MCC: variants seen among roughly 807,000 people sequenced by gnomAD.
MCC encodes the protein MCC regulator of Wnt signaling pathway.
In MCC, 90 loss-of-function variants were observed where a neutral mutation model predicts 116.2. The observed-to-expected ratio is 0.77, with a 90% CI of 0.65 to 0.92. The LOEUF is 0.92. Ranked by LOEUF, MCC falls within the 40% of genes least tolerant of loss-of-function variation. MCC has a pLI of 0.00. For missense variants in MCC, 1,516 were observed against 1,312.2 expected, an observed-to-expected ratio of 1.16 and a Z score of -2.40; for synonymous variants, 578 against 510.5, an observed-to-expected ratio of 1.13 and a Z score of -1.78.
At chr5:113,327,555 A>ATATATATATATATATATAT (rs1295231073) in intron 3 of MCC, among the ~76,000 whole-genome samples, 2 of 80,968 alleles carry the variant, frequency 2.5e-5, no homozygotes, top group African/African-American at 5.2e-5. Context: ...CAAAAAAAAA[A>ATATATATATATATATATAT]AAAAAAATAT....
chr5:113,138,335 C>G (rs74764205), intron 5 of MCC, among the ~76,000 whole-genome samples: 19,782 of 152,160 alleles, frequency 0.13, 1,812 homozygotes, highest in African/African-American at 0.24. Flanking sequence ...TATGTTGAAG[C>G]CTTAACATCC....
At chr5:113,197,263 C>T (rs1463430639) in intron 3 of MCC, among the ~76,000 whole-genome samples, 1 of 151,878 alleles carries the variant, frequency 6.6e-6, no homozygotes, top group African/African-American at 2.4e-5. Context: ...TTTTCAGACC[C>T]CCAATTTTTT....
chr5:113,363,727 T>C (rs10061063), intron 2 of MCC, among the ~76,000 whole-genome samples: 4,042 of 152,260 alleles, frequency 0.027, 187 homozygotes, highest in African/African-American at 0.092. Flanking sequence ...CCTTCTCACA[T>C]TGCAAAATAC....
At chr5:113,309,932 CCCTCTCTT>C in intron 3 of MCC, among the ~76,000 whole-genome samples, 1 of 145,932 alleles carries the variant, frequency 6.9e-6, no homozygotes, top group East Asian at 2.2e-4. Flanking sequence ...CTCCCTCCCT[CCCTCTCTT>C]CCTCTCTTTC....
In MCC at chr5:113,410,105, C is replaced by T. The variant is rs1294681680; in HGVS notation, c.171-24893G>A. ...CTATGTCTCTGTCTCCGTATAACTT[C>T]CCCCAACGGGATCTTGCTGAACATA... On this transcript the variant is annotated intron_variant, in intron 1 of 18. Transcript: ENST00000408903. 2.0e-5 allele frequency among the ~76,000 whole-genome samples: 3 copies of T among 152,146 alleles called. No homozygotes were observed. In the East Asian group the frequency reaches 5.8e-4, roughly 29 times the overall value.
intron 3 of MCC, among the ~76,000 whole-genome samples, chr5:113,245,434 T>C (rs953287538): frequency 3.3e-5 from 5 of 151,808 alleles, no homozygotes; most frequent in African/African-American, 1.2e-4. Context: ...ATATTTTAAA[T>C]ATCTCCACAA....
At chr5:113,203,167 C>A (rs939210909) in intron 3 of MCC, 3 of 152,230 alleles carry the variant, frequency 2.0e-5, no homozygotes, top group African/African-American at 4.8e-5. Flanking sequence ...GGAAACTACC[C>A]AGGGGCCTGA....
intron 3 of MCC, among the ~76,000 whole-genome samples, chr5:113,278,337 G>A (rs1765904451): frequency 6.6e-6 from 1 of 152,180 alleles, no homozygotes; most frequent in Admixed American, 6.5e-5. Flanking sequence ...AGTGAATGCT[G>A]AGGGTCAGGC....
chr5:113,162,610 C>T (rs1257208656), intron 3 of MCC, among the ~76,000 whole-genome samples: 7 of 152,146 alleles, frequency 4.6e-5, no homozygotes, highest in Non-Finnish European at 1.0e-4. Flanking sequence ...CATCTTCCCA[C>T]CTCAGCCTCT....
chr5:113,069,968 C>T (rs186375163), intron 12 of MCC, among the ~76,000 whole-genome samples: 58 of 152,320 alleles, frequency 3.8e-4, no homozygotes, highest in Admixed American at 3.6e-3. Flanking sequence ...ACCAGCTCCT[C>T]GTTTCAAAGG....
At chr5:113,275,794 C>CT (rs938114129) in intron 3 of MCC, among the ~76,000 whole-genome samples, 1 of 152,092 alleles carries the variant, frequency 6.6e-6, no homozygotes, top group African/African-American at 2.4e-5. Context: ...ATACTACACC[C>CT]TTTTATATAT....
At chr5:113,450,935 T>C (rs1208252467) in intron 1 of MCC, among the ~76,000 whole-genome samples, 1 of 152,210 alleles carries the variant, frequency 6.6e-6, no homozygotes, top group Non-Finnish European at 1.5e-5. Context: ...TTGTAATTCA[T>C]CCTTTCTGAA....
At chr5:113,173,508 G>C (rs1761177843) in intron 3 of MCC, among the ~76,000 whole-genome samples, 1 of 152,010 alleles carries the variant, frequency 6.6e-6, no homozygotes, top group African/African-American at 2.4e-5. Context: ...ATAAATATAA[G>C]GTCACTGTAA....
intron 5 of MCC, among the ~76,000 whole-genome samples, chr5:113,138,035 C>CT (rs11353616): frequency 2.7e-5 from 4 of 149,070 alleles, no homozygotes; most frequent in African/African-American, 9.8e-5. Context: ...TCCCAAAATT[C>CT]TTTTTTTTTT....
At chr5:113,276,703 T>C (rs141134956) in intron 3 of MCC, among the ~76,000 whole-genome samples, 2 of 152,226 alleles carry the variant, frequency 1.3e-5, no homozygotes, top group African/African-American at 4.8e-5. Context: ...CTCGGCTCAC[T>C]GGGGCCTCGA....
chr5:113,340,273 C>T (rs1469298449), intron 3 of MCC, among the ~76,000 whole-genome samples: 1 of 152,122 alleles, frequency 6.6e-6, no homozygotes, highest in Non-Finnish European at 1.5e-5. Context: ...GTAATTAAAC[C>T]TGTGCAAGTT....
intron 3 of MCC, among the ~76,000 whole-genome samples, chr5:113,332,204 A>ATAAAATAAACT (rs1767713891): frequency 6.6e-6 from 1 of 151,262 alleles, no homozygotes; most frequent in Non-Finnish European, 1.5e-5. Context: ...TTTTTGAGAC[A>ATAAAATAAACT]ATGTCTTGCT....
intron 17 of MCC, among the ~76,000 whole-genome samples, chr5:113,040,762 T>G (rs1751653324): frequency 6.6e-6 from 1 of 152,204 alleles, no homozygotes; most frequent in African/African-American, 2.4e-5. Context: ...AGTTTGTTCT[T>G]GGCTCCATCC....
intron 15 of MCC, among the ~76,000 whole-genome samples, chr5:113,051,116 T>C (rs1283039305): frequency 6.6e-6 from 1 of 152,174 alleles, no homozygotes; most frequent in East Asian, 1.9e-4. Context: ...CAACTAGTCC[T>C]AAACCTCAGA....
Sources: gnomAD v4.1 joint callset for allele counts (sites outside exome capture counted in the v4.1 genomes callset) on GRCh38, gnomAD v4.1.1 for gene constraint, MANE v1.5 for transcripts, NCBI Gene and HGNC (gene_info 2026-07-23, HGNC 2026-07-21) for gene names.